RELN: variants seen among roughly 807,000 people sequenced by gnomAD.
The protein encoded by RELN is reelin.
Under a neutral mutation model 427.6 loss-of-function variants are expected in RELN, and 108 were observed. That is an observed-to-expected ratio of 0.25 (90% confidence interval 0.22 to 0.30). The LOEUF (loss-of-function observed/expected upper bound fraction) is 0.30, where lower values mean the gene tolerates loss of function less well. RELN is among the 10% of genes least tolerant of loss of function. The probability of loss-of-function intolerance (pLI) is 1.00; values close to 1 mark genes in which losing one functional copy is unlikely to be tolerated. For synonymous variants in RELN, 1,524 were observed against 1,513.4 expected (o/e 1.01, Z -0.16); for missense variants, 3,715 against 4,302.8 (o/e 0.86, Z 3.82).
At chr7:103,561,098 TACTTG>T (rs1259630846) in intron 36 of RELN, among the ~76,000 whole-genome samples, 4 of 152,216 alleles carry the variant, frequency 2.6e-5, no homozygotes, top group Non-Finnish European at 2.9e-5. Flanking sequence ...AATGCTATTT[TACTTG>T]ACTTAAGTAT....
chr7:103,896,270 T>C (rs1794957844), intron 2 of RELN, among the ~76,000 whole-genome samples: 1 of 152,060 alleles, frequency 6.6e-6, no homozygotes, highest in African/African-American at 2.4e-5. Flanking sequence ...AGTCTGGTAG[T>C]TTCTCACAAA....
chr7:103,610,595 C>T, intron 22 of RELN, 100 bp downstream of exon 22: 2 of 751,054 alleles, frequency 2.7e-6, no homozygotes, highest in Non-Finnish European at 4.9e-6. Flanking sequence ...GCTTAACTTG[C>T]CTTCATATTC....
chr7:103,905,765 G>A (rs1795190766), intron 2 of RELN, among the ~76,000 whole-genome samples: 1 of 138,568 alleles, frequency 7.2e-6, no homozygotes, highest in Non-Finnish European at 1.6e-5. Context: ...AGACTTAAAG[G>A]TTTTTAAACA....
chr7:103,499,546 A>C (rs1033211521), intron 53 of RELN, among the ~76,000 whole-genome samples: 4 of 151,768 alleles, frequency 2.6e-5, no homozygotes, highest in Non-Finnish European at 5.9e-5. Flanking sequence ...ATTTAAGGAG[A>C]GTTCTATCTT....
chr7:103,669,131 T>A (rs954415619), intron 11 of RELN, among the ~76,000 whole-genome samples: 2 of 152,172 alleles, frequency 1.3e-5, no homozygotes, highest in African/African-American at 4.8e-5. Flanking sequence ...ATATCCATTT[T>A]TTTCTCTCAA....
chr7:103,577,804 G>A (rs1476464987), intron 28 of RELN, among the ~76,000 whole-genome samples: 1 of 152,216 alleles, frequency 6.6e-6, no homozygotes, highest in African/African-American at 2.4e-5. Flanking sequence ...CCTAATACAA[G>A]TCCTCTTGGA....
intron 4 of RELN, among the ~76,000 whole-genome samples, chr7:103,768,535 T>C (rs1045455132): frequency 2.1e-4 from 32 of 152,166 alleles, no homozygotes; most frequent in African/African-American, 7.5e-4. Flanking sequence ...CACTGCCTCA[T>C]CATGGTCCAT....
At chr7:103,691,203 A>C (rs1031369056) in intron 10 of RELN, among the ~76,000 whole-genome samples, 2 of 152,152 alleles carry the variant, frequency 1.3e-5, no homozygotes, top group Non-Finnish European at 2.9e-5. Context: ...AAATCATATA[A>C]AGTCCTGAAG....
intron 1 of RELN, among the ~76,000 whole-genome samples, chr7:103,977,397 C>T (rs1206259564): frequency 6.6e-6 from 1 of 151,444 alleles, no homozygotes; most frequent in East Asian, 1.9e-4. Context: ...TCTGGGCTTC[C>T]TGTACGAGGA....
intron 28 of RELN, among the ~76,000 whole-genome samples, chr7:103,576,933 T>C (rs1290098666): frequency 2.0e-5 from 3 of 152,076 alleles, no homozygotes; most frequent in Non-Finnish European, 2.9e-5. Flanking sequence ...TTTTCCAACA[T>C]ATGGAAACAC....
At chr7:103,859,652 A>G (rs952051056) in intron 2 of RELN, among the ~76,000 whole-genome samples, 11 of 152,220 alleles carry the variant, frequency 7.2e-5, no homozygotes, top group African/African-American at 2.7e-4. Context: ...TAGAATATTA[A>G]TTGGGTTTTT....
At chr7:103,514,855 G>T (rs1317217211) in intron 50 of RELN, among the ~76,000 whole-genome samples, 1 of 152,234 alleles carries the variant, frequency 6.6e-6, no homozygotes, top group Admixed American at 6.5e-5. Context: ...AATGTCATTT[G>T]TTGGGCAGAA....
At chr7:103,817,670 G>C (rs1792907470) in intron 3 of RELN, among the ~76,000 whole-genome samples, 1 of 151,950 alleles carries the variant, frequency 6.6e-6, no homozygotes, top group Non-Finnish European at 1.5e-5. Context: ...TAGAAGAAAA[G>C]GTGCAGTGGC....
At chr7:103,807,329 C>G (rs1792623447) in intron 3 of RELN, among the ~76,000 whole-genome samples, 1 of 152,112 alleles carries the variant, frequency 6.6e-6, no homozygotes, top group Non-Finnish European at 1.5e-5. Context: ...CCTAAGCCAG[C>G]AGTAGGGTAA....
At chr7:103,474,321 AAAGGTACT>A (rs1378262045) in intron 64 of RELN, among the ~76,000 whole-genome samples, 1 of 152,142 alleles carries the variant, frequency 6.6e-6, no homozygotes, top group African/African-American at 2.4e-5. Flanking sequence ...ATAAAATAAA[AAAGGTACT>A]AATAACATCC....
chr7:103,808,982 G>A (rs1178535704), intron 3 of RELN, among the ~76,000 whole-genome samples: 2 of 152,118 alleles, frequency 1.3e-5, no homozygotes, highest in Non-Finnish European at 2.9e-5. Flanking sequence ...ATCATAAAAT[G>A]TACATCATCA....
In RELN at chr7:103,472,501, T is replaced by A; in HGVS notation, c.*311A>T. 2.9e-6 allele frequency: 1 copy of A among 348,636 alleles called. No homozygotes were observed. The highest frequency in any genetic ancestry group is 5.4e-6 in the Non-Finnish European group (1 of 184,418). 21.6% of individuals were successfully genotyped at this position (348,636 alleles called of 1,614,324 possible). ...ATTTTAAACATAAAATCTCTTAAAT[T>A]TTTTGTGCTTAAATTTCATTTTTCT... On this transcript the variant is annotated 3_prime_UTR_variant, in exon 65 of 65. Coordinates refer to ENST00000428762, the MANE Select transcript of RELN (RefSeq NM_005045.4).
chr7:103,496,615 C>T lies in RELN; in HGVS notation c.9104G>A (p.Gly3035Glu). The T allele has an allele frequency of 1.9e-6, 3 of 1,614,140 alleles. No individual in the cohort carries two copies. The highest frequency in any genetic ancestry group is 2.5e-6 in the Non-Finnish European group (3 of 1,180,010). The part of the protein sequence containing the change: ...FVISNGIVVS[G>E]VERAQWALDN... ...CAGTGCCCACTGAGCACGCTCCACC[C>T]CAGAGACCACAATTCCATTGCTGAT... Residue 3035 changes from glycine (G) to glutamate (E), a missense_variant, in exon 56 of 65, where the codon GGG becomes GAG. Gly to Glu is a moderately conservative substitution (Grantham distance 98). Transcript: ENST00000428762.
chr7:103,932,525 C>T (rs779285836), intron 1 of RELN, among the ~76,000 whole-genome samples: 6 of 152,142 alleles, frequency 3.9e-5, no homozygotes, highest in African/African-American at 9.7e-5. Flanking sequence ...TGCACGTGTA[C>T]CCCTGAACCT....
Sources: allele counts gnomAD v4.1 joint callset (sites outside exome capture counted in the v4.1 genomes callset), GRCh38; gene constraint gnomAD v4.1.1; transcripts MANE v1.5; gene names NCBI Gene and HGNC (gene_info 2026-07-23, HGNC 2026-07-21).